The following BMPR1A variants were observed in gnomAD, a reference collection of about 807,000 sequenced individuals.
The protein encoded by BMPR1A is bone morphogenetic protein receptor type-1A.
Under a neutral mutation model 66.0 loss-of-function variants are expected in BMPR1A, and 7 were observed. The ratio of observed to expected loss-of-function variants is 0.11; its 90% CI spans 0.06 to 0.20. The LOEUF is 0.20. BMPR1A is among the 10% of genes least tolerant of loss of function. The pLI is 1.00. For missense variants in BMPR1A, 408 were observed against 669.1 expected (o/e 0.61, Z 4.31); for synonymous variants, 200 against 229.7 (o/e 0.87, Z 1.17).
intron 1 of BMPR1A, among the ~76,000 whole-genome samples, chr10:86,769,423 C>G (rs553616534): frequency 6.6e-6 from 1 of 152,286 alleles, no homozygotes; most frequent in African/African-American, 2.4e-5. Flanking sequence ...GAGACCCTGT[C>G]TCTAAAAAGA....
intron 1 of BMPR1A, among the ~76,000 whole-genome samples, chr10:86,792,417 ATT>A (rs1461403058): frequency 6.6e-6 from 1 of 152,200 alleles, no homozygotes; most frequent in Non-Finnish European, 1.5e-5. Context: ...ACTGCTAAAA[ATT>A]ATAATGGTAA....
intron 1 of BMPR1A, among the ~76,000 whole-genome samples, chr10:86,815,959 C>T: frequency 6.6e-6 from 1 of 152,206 alleles, no homozygotes; most frequent in East Asian, 1.9e-4. Context: ...TATCCCTGGT[C>T]ATAGGATTCA....
At chr10:86,877,986 G>A (rs1414371378) in intron 3 of BMPR1A, among the ~76,000 whole-genome samples, 1 of 152,168 alleles carries the variant, frequency 6.6e-6, no homozygotes. Context: ...ACATTTCTCT[G>A]ATAAAGAGTG....
At chr10:86,854,456 A>C (rs1387473170) in intron 2 of BMPR1A, among the ~76,000 whole-genome samples, 1 of 152,226 alleles carries the variant, frequency 6.6e-6, no homozygotes, top group African/African-American at 2.4e-5. Context: ...TGAAATCTTC[A>C]CAATTTGTGT....
At position 86,850,457 on chromosome 10, in the gene BMPR1A, G is replaced by A. The variant is rs187877330; in HGVS notation, c.-153+11478G>A. On this transcript the variant is annotated intron_variant, in intron 2 of 12. Coordinates refer to ENST00000372037, the MANE Select transcript of BMPR1A (RefSeq NM_004329.3). ...TTTAGTGTACGCGCATGTCACCTGG[G>A]GGTCTTGTTAGAAGATTCTAATTCA... Among the ~76,000 whole-genome samples, 351 of 152,254 alleles carry A rather than the reference G, an allele frequency of 2.3e-3. 1 individual carries two copies. Among genetic ancestry groups the A allele is most frequent in the Non-Finnish European group, 3.6e-3 (247 of 68,024 alleles).
chr10:86,773,527 A>G (rs1292918673), intron 1 of BMPR1A, among the ~76,000 whole-genome samples: 2 of 142,774 alleles, frequency 1.4e-5, no homozygotes, highest in African/African-American at 5.1e-5. Context: ...CGGGAGGTGG[A>G]GGTTGCAGTG....
chr10:86,885,321 T>C (rs1843055008), intron 3 of BMPR1A, among the ~76,000 whole-genome samples: 1 of 152,212 alleles, frequency 6.6e-6, no homozygotes, highest in Admixed American at 6.5e-5. Flanking sequence ...AACACACTCA[T>C]GTTCATTTTT....
chr10:86,834,459 A>C (rs554923753), intron 1 of BMPR1A, among the ~76,000 whole-genome samples: 61 of 152,234 alleles, frequency 4.0e-4, no homozygotes, highest in Non-Finnish European at 7.3e-4. Context: ...ACATAGATAC[A>C]AGCTTAAACA....
chr10:86,923,298 T>G, intron 11 of BMPR1A, 78 bp from the exon 12 acceptor site: 1 of 1,584,020 alleles, frequency 6.3e-7, no homozygotes, highest in Non-Finnish European at 8.7e-7. Context: ...TTCCATAGTT[T>G]AGCAAAAGAT....
At chr10:86,790,308 G>A (rs1272676531) in intron 1 of BMPR1A, among the ~76,000 whole-genome samples, 1 of 142,574 alleles carries the variant, frequency 7.0e-6, no homozygotes, top group Non-Finnish European at 1.5e-5. Flanking sequence ...AATAACAAAT[G>A]CTGGTAAGGA....
At position 86,900,100 on chromosome 10, in the gene BMPR1A, C is replaced by G. The variant is rs778615896; in HGVS notation, c.504C>G (p.Ile168Met). The G allele has an allele frequency of 1.9e-6, 3 of 1,613,872 alleles. No homozygotes were observed. The South Asian group carries it at 3.3e-5, about 18-fold the overall frequency. The change falls in exon 7 of 13, where the codon ATC (isoleucine) becomes ATG (methionine). Residue 168 changes from isoleucine to methionine, a missense_variant. Physicochemically the swap from Ile to Met is conservative, Grantham distance 10. Around this residue, in one of 5 missense-constraint regions of BMPR1A, gnomAD observed 174 missense variants for 265.1 expected, o/e 0.66. Transcript: ENST00000372037. Reference protein sequence around the residue: ...ISMAVCIIAMIIFSSCFCYKH... With the variant: ...ISMAVCIIAMMIFSSCFCYKH... ...TGGCTGTCTGCATAATTGCTATGATCATCTTCTCCAGCTGCTTTTGTTACA... is the reference window on the plus strand; with the variant it reads ...TGGCTGTCTGCATAATTGCTATGATGATCTTCTCCAGCTGCTTTTGTTACA...
rs534960406 is a variant in BMPR1A, at chr10:86,794,634, G to T, written c.-268+37715G>T. Among the ~76,000 whole-genome samples the T allele has an allele frequency of 3.9e-5, 6 of 152,118 alleles. No individual in the cohort carries two copies. In the South Asian group the frequency reaches 1.0e-3, roughly 26 times the overall value. ...TAAGATTTTTGTCAAAGGTGAGAAC[G>T]TTCAGTACATTCTTTGATACCTGCC... On this transcript the variant is annotated intron_variant, in intron 1 of 12. Transcript: ENST00000372037.
chr10:86,905,540 A>G lies in BMPR1A; in HGVS notation c.530+5414A>G, dbSNP rs190326437. ...TGGCTGTTTAAATTGCCACTTTCCT[A>G]TTGAATTTTGAAGGGTGCCCATGGT... On this transcript the variant is annotated intron_variant, in intron 7 of 12. Transcript: ENST00000372037. Among the ~76,000 whole-genome samples, 5 of 152,206 alleles carry G rather than the reference A, an allele frequency of 3.3e-5. No homozygotes were observed. In the East Asian group the frequency reaches 5.8e-4, roughly 18 times the overall value.
intron 1 of BMPR1A, among the ~76,000 whole-genome samples, chr10:86,833,980 G>C (rs1414431072): frequency 6.6e-6 from 1 of 152,218 alleles, no homozygotes; most frequent in Non-Finnish European, 1.5e-5. Context: ...TTCTTGATCT[G>C]TTGGGTTGTC....
intron 1 of BMPR1A, among the ~76,000 whole-genome samples, chr10:86,829,309 T>C (rs1564697227): frequency 6.6e-6 from 1 of 152,130 alleles, no homozygotes; most frequent in East Asian, 1.9e-4. Flanking sequence ...TGAACAGTTA[T>C]TTTACTATTC....
chr10:86,803,839 A>C (rs1357523813), intron 1 of BMPR1A, among the ~76,000 whole-genome samples: 7 of 152,172 alleles, frequency 4.6e-5, no homozygotes, highest in Non-Finnish European at 1.0e-4. Context: ...AAGTCTGCTA[A>C]TATTCATTGA....
intron 3 of BMPR1A, among the ~76,000 whole-genome samples, chr10:86,887,468 T>G (rs558902031): frequency 2.6e-5 from 4 of 152,348 alleles, no homozygotes; most frequent in African/African-American, 9.6e-5. Flanking sequence ...TCTTCATTTG[T>G]ATACTATTTT....
rs34964359 is a variant in BMPR1A, at chr10:86,787,882, GC to G, written c.-268+30972del. On this transcript the variant is annotated intron_variant, in intron 1 of 12. Transcript: ENST00000372037. ...CATGAGTACAGCAAGGGGGAAATCT[GC>G]CCCCCCCCATAATCCAATCATCTCC... 8.0e-4 allele frequency among the ~76,000 whole-genome samples: 120 copies of G among 149,544 alleles called. No individual in the cohort carries two copies. The South Asian group carries it at 8.4e-3, about 10-fold the overall frequency.
chr10:86,821,273 T>C (rs576580827), intron 1 of BMPR1A, among the ~76,000 whole-genome samples: 1 of 152,330 alleles, frequency 6.6e-6, no homozygotes, highest in East Asian at 1.9e-4. Context: ...AAAATAGTTA[T>C]AACATTCTTA....
Sources: gnomAD v4.1 joint callset for allele counts (sites outside exome capture counted in the v4.1 genomes callset) on GRCh38, gnomAD v4.1.1 for gene constraint, gnomAD v4.1.1 regional missense constraint, MANE v1.5 for transcripts, NCBI Gene and HGNC (gene_info 2026-07-23, HGNC 2026-07-21) for gene names.